The following PLXNA4 variants were observed in gnomAD, a reference collection of about 807,000 sequenced individuals.
PLXNA4 encodes the protein plexin-A4.
A neutral mutation model predicts 191.8 loss-of-function variants in PLXNA4; 44 were observed. The observed-to-expected ratio is 0.23, with a 90% confidence interval of 0.18 to 0.29. The LOEUF is 0.29. Among genes scored for constraint, PLXNA4 ranks in the 10% least tolerant of loss-of-function variants. The pLI is 1.00. For synonymous variants in PLXNA4, 1,082 were observed against 1,009.5 expected (o/e 1.07, Z -1.36); for missense variants, 1,800 against 2,488.8 (o/e 0.72, Z 5.89).
At chr7:132,198,438 C>T (rs765462795) in intron 13 of PLXNA4, 47 bp downstream of exon 13, 10 of 1,594,294 alleles carry the variant, frequency 6.3e-6, no homozygotes, top group Admixed American at 1.7e-5. Flanking sequence ...AATACTAACC[C>T]GTCTTCCCTC....
chr7:132,497,877 T>C (rs1438852539), intron 2 of PLXNA4, among the ~76,000 whole-genome samples: 1 of 152,182 alleles, frequency 6.6e-6, no homozygotes, highest in African/African-American at 2.4e-5. Context: ...CTTTCGGGTG[T>C]CTTTTTCAAT....
At chr7:132,177,146 TG>T (rs979922492) in intron 20 of PLXNA4, among the ~76,000 whole-genome samples, 1 of 151,224 alleles carries the variant, frequency 6.6e-6, no homozygotes, top group Non-Finnish European at 1.5e-5. Flanking sequence ...TCACTATGTG[TG>T]GGCATGTATG....
At chr7:132,507,123 G>A (rs1798496279) in intron 2 of PLXNA4, among the ~76,000 whole-genome samples, 1 of 152,122 alleles carries the variant, frequency 6.6e-6, no homozygotes, top group Non-Finnish European at 1.5e-5. Context: ...GGCTTGGTGA[G>A]TACAAAGGGC....
intron 5 of PLXNA4, among the ~76,000 whole-genome samples, chr7:132,229,680 C>A (rs370737480): frequency 6.6e-6 from 1 of 151,980 alleles, no homozygotes; most frequent in African/African-American, 2.4e-5. Context: ...AGGAGAGAGC[C>A]CCAGGCAAGG....
intron 5 of PLXNA4, among the ~76,000 whole-genome samples, chr7:132,240,707 G>A (rs1191602956): frequency 1.3e-5 from 2 of 152,194 alleles, no homozygotes; most frequent in African/African-American, 2.4e-5. Flanking sequence ...TTTTCCTGGT[G>A]TTCAGTCCTG....
chr7:132,389,971 AGT>A (rs1805329616), intron 3 of PLXNA4, among the ~76,000 whole-genome samples: 1 of 152,212 alleles, frequency 6.6e-6, no homozygotes, highest in Non-Finnish European at 1.5e-5. Flanking sequence ...TGTTGGTGGG[AGT>A]GTAAATTAGT....
intron 3 of PLXNA4, among the ~76,000 whole-genome samples, chr7:132,465,089 A>T (rs994490989): frequency 6.6e-6 from 1 of 151,972 alleles, no homozygotes; most frequent in Non-Finnish European, 1.5e-5. Context: ...CCCTCCTTTC[A>T]TTCCCTCCAC....
intron 3 of PLXNA4, among the ~76,000 whole-genome samples, chr7:132,348,566 C>G (rs1803344571): frequency 6.6e-6 from 1 of 152,206 alleles, no homozygotes; most frequent in Admixed American, 6.5e-5. Context: ...AGAGGTTGTT[C>G]CCAGCTGCAA....
Position 132,298,180 on chromosome 7 carries a change from T to C in PLXNA4, c.1414A>G (p.Thr472Ala). Residue 472 changes from threonine (T) to alanine (A), a missense_variant, in exon 4 of 32, where the codon ACG (threonine) becomes GCG (alanine). Transcript: ENST00000321063. ...GGGCCGGGGTCCACCACCTGCACCG[T>C]CTCATACTGGAGGGCGTTGCCCCTG... ...GPRGNALQYE[T>A]VQVVDPGPVL... is the part of the protein sequence containing the mutation. The C allele has an allele frequency of 6.2e-7, 1 of 1,614,154 alleles. No homozygotes were observed. The highest frequency in any genetic ancestry group is 8.5e-7 in the Non-Finnish European group (1 of 1,180,020).
At position 132,402,895 on chromosome 7, in the gene PLXNA4, C is replaced by A. The variant is rs541812732; in HGVS notation, c.1371+86397G>T. On this transcript the variant is annotated intron_variant, in intron 3 of 31. Coordinates refer to ENST00000321063, the MANE Select transcript of PLXNA4 (RefSeq NM_020911.2). ...TGTGCTGAGCACGCCCACCCATTGACCCCCAATCCAGAGAGCTAGTGTTGA... is the reference window on the plus strand; with the variant it reads ...TGTGCTGAGCACGCCCACCCATTGAACCCCAATCCAGAGAGCTAGTGTTGA... 3.3e-5 allele frequency among the ~76,000 whole-genome samples: 5 copies of A among 152,366 alleles called. No individual in the cohort carries two copies. The South Asian group carries it at 1.0e-3, about 32-fold the overall frequency.
chr7:132,146,478 G>C, intron 28 of PLXNA4, 32 bp downstream of exon 28: 1 of 1,614,046 alleles, frequency 6.2e-7, no homozygotes, highest in Non-Finnish European at 8.5e-7. Flanking sequence ...ATAGCCTCTG[G>C]GCTCCCTGCA....
intron 2 of PLXNA4, among the ~76,000 whole-genome samples, chr7:132,503,544 C>T (rs1448128661): frequency 2.0e-5 from 3 of 152,170 alleles, no homozygotes; most frequent in African/African-American, 7.2e-5. Context: ...CCTTCTCCTG[C>T]ATAAGGTCCT....
At chr7:132,345,834 C>T (rs1012685248) in intron 3 of PLXNA4, among the ~76,000 whole-genome samples, 29 of 152,110 alleles carry the variant, frequency 1.9e-4, no homozygotes, top group African/African-American at 6.3e-4. Flanking sequence ...CTCAAAGGAC[C>T]GCAGCATGGC....
At chr7:132,372,353 C>T (rs1156402236) in intron 3 of PLXNA4, among the ~76,000 whole-genome samples, 1 of 152,266 alleles carries the variant, frequency 6.6e-6, no homozygotes, top group South Asian at 2.1e-4. Flanking sequence ...TTCAGTATCA[C>T]CACACAGATC....
chr7:132,618,905 T>C (rs954478889), intron 2 of PLXNA4, among the ~76,000 whole-genome samples: 1 of 151,996 alleles, frequency 6.6e-6, no homozygotes, highest in Non-Finnish European at 1.5e-5. Context: ...ATGAGAGAAG[T>C]GGACAGGAAA....
chr7:132,408,647 G>A (rs1794325810), intron 3 of PLXNA4, among the ~76,000 whole-genome samples: 1 of 151,964 alleles, frequency 6.6e-6, no homozygotes, highest in Non-Finnish European at 1.5e-5. Flanking sequence ...TCTATTTTTA[G>A]TAGAGATGGG....
intron 1 of PLXNA4, among the ~76,000 whole-genome samples, chr7:132,558,687 TG>T (rs1264108264): frequency 6.6e-6 from 1 of 152,222 alleles, no homozygotes; most frequent in Non-Finnish European, 1.5e-5. Context: ...CTGGGGCCAA[TG>T]ACAGCCAAGA....
intron 1 of PLXNA4, among the ~76,000 whole-genome samples, chr7:132,509,306 C>T (rs186093812): frequency 1.6e-4 from 25 of 152,244 alleles, no homozygotes; most frequent in Admixed American, 1.4e-3. Context: ...CCTGCTGGAC[C>T]CCATCTGGCC....
Position 132,189,551 on chromosome 7 carries a change from A to T in PLXNA4, c.2857-1944T>A, listed in dbSNP as rs1049181047. On this transcript the variant is annotated intron_variant, in intron 14 of 31. Transcript: ENST00000321063. ...TCTGGCCTGATTGTGGGAGAGGACA[A>T]ATCTTCCCTCTAGCCTTGGTACTAA... Among the ~76,000 whole-genome samples the T allele has an allele frequency of 3.3e-5, 5 of 152,066 alleles. 1 individual carries two copies. The highest frequency in any genetic ancestry group is 3.3e-4 in the Admixed American group (5 of 15,258).
Sources: gnomAD v4.1 joint callset for allele counts (sites outside exome capture counted in the v4.1 genomes callset) on GRCh38, gnomAD v4.1.1 for gene constraint, MANE v1.5 for transcripts, NCBI Gene and HGNC (gene_info 2026-07-23, HGNC 2026-07-21) for gene names.